The following FAM13C variants were observed in gnomAD, a reference collection of about 807,000 sequenced individuals.
FAM13C encodes the protein protein FAM13C.
FAM13C carries 37 observed loss-of-function variants against 73.2 expected under a neutral mutation model. The observed-to-expected ratio is 0.51, with a 90% CI of 0.39 to 0.67. The LOEUF (loss-of-function observed/expected upper bound fraction) is 0.67, where lower values mean the gene tolerates loss of function less well. FAM13C is among the 30% of genes least tolerant of loss of function. The probability of loss-of-function intolerance (pLI) is 0.00; values close to 1 mark genes in which losing one functional copy is unlikely to be tolerated. For missense variants in FAM13C, 589 were observed against 715.6 expected (o/e 0.82, Z 2.02); for synonymous variants, 246 against 260.9 (o/e 0.94, Z 0.55).
chr10:59,263,847 T>G (rs1842756422), intron 9 of FAM13C: 3 of 504,552 alleles, frequency 5.9e-6, no homozygotes, highest in African/African-American at 1.9e-5. Flanking sequence ...GGCATTGAAG[T>G]GAATCATTCC....
At chr10:59,267,738 G>A (rs1843222197) in intron 8 of FAM13C, among the ~76,000 whole-genome samples, 1 of 152,104 alleles carries the variant, frequency 6.6e-6, no homozygotes, top group Non-Finnish European at 1.5e-5. Context: ...CAAGTGTTTA[G>A]TGAACCTTTA....
Position 59,303,012 on chromosome 10 carries a change from A to G in FAM13C, c.444-148T>C, listed in dbSNP as rs568303598. 12 of 662,542 alleles carry G rather than the reference A, an allele frequency of 1.8e-5. No homozygotes were observed. In the African/African-American group the frequency reaches 2.2e-4, roughly 12 times the overall value. The allele number at this position is 662,542 out of a possible 1,614,324, so 41.0% of individuals were successfully genotyped here. A position where few individuals can be genotyped will look rare whatever the true frequency, so the allele number is the denominator to read the frequency against. On this transcript the variant is annotated intron_variant, in intron 4 of 13. Coordinates refer to ENST00000618804, the MANE Select transcript of FAM13C (RefSeq NM_198215.4). Reference sequence around the variant, plus strand: ...CTGTAGAATAAAATACAGACTCCTTACAATGGCCTGCAGCACATTATAGCA... The same window carrying G: ...CTGTAGAATAAAATACAGACTCCTTGCAATGGCCTGCAGCACATTATAGCA...
At chr10:59,286,230 G>A (rs1238592898) in intron 5 of FAM13C, among the ~76,000 whole-genome samples, 1 of 152,024 alleles carries the variant, frequency 6.6e-6, no homozygotes, top group Non-Finnish European at 1.5e-5. Flanking sequence ...AAAATTCATC[G>A]AAGCTGGAAG....
rs1249896635 is a variant in FAM13C, at chr10:59,352,380, CCTCTACATTCTGCTGCTG to C, written c.196_213del (p.Gln66_Glu71del). ...AATACGCTGTCCACCAGCACGGTCG[CCTCTACATTCTGCTGCTG>C]CGGCTCCCAAGAGGGCGGCGCGTGC... On this transcript the variant is annotated inframe_deletion, in exon 3 of 14. Transcript: ENST00000618804. 10 of 1,614,040 alleles carry C rather than the reference CCTCTACATTCTGCTGCTG, an allele frequency of 6.2e-6. No individual in the cohort carries two copies. The highest frequency in any genetic ancestry group is 8.5e-6 in the Non-Finnish European group (10 of 1,180,044).
intron 4 of FAM13C, among the ~76,000 whole-genome samples, chr10:59,322,425 A>T (rs1184107426): frequency 6.6e-6 from 1 of 152,238 alleles, no homozygotes; most frequent in Non-Finnish European, 1.5e-5. Context: ...AAAGTGGGAC[A>T]TGAAAGATGG....
upstream of FAM13C, chr10:59,362,597 G>T: frequency 6.7e-7 from 1 of 1,496,482 alleles, no homozygotes; most frequent in Non-Finnish European, 8.9e-7. Context: ...GTCTGCACAT[G>T]CTCGTAACGA....
chr10:59,359,331 C>T (rs947092854), intron 1 of FAM13C, among the ~76,000 whole-genome samples: 1 of 152,198 alleles, frequency 6.6e-6, no homozygotes, highest in Non-Finnish European at 1.5e-5. Flanking sequence ...CAGAGGATCA[C>T]AAGAGACAGG....
At chr10:59,315,862 G>A (rs2133965367) in intron 4 of FAM13C, among the ~76,000 whole-genome samples, 1 of 152,234 alleles carries the variant, frequency 6.6e-6, no homozygotes, top group East Asian at 1.9e-4. Flanking sequence ...CTTTTATCTA[G>A]TTCTCTCAAA....
chr10:59,258,027 TAAAA>T (rs1044741761), intron 10 of FAM13C, among the ~76,000 whole-genome samples: 4 of 152,134 alleles, frequency 2.6e-5, no homozygotes, highest in African/African-American at 9.7e-5. Context: ...TATCCATTAA[TAAAA>T]AAGAATGCCA....
intron 5 of FAM13C, among the ~76,000 whole-genome samples, chr10:59,291,629 A>T (rs1490307030): frequency 6.7e-6 from 1 of 148,360 alleles, no homozygotes; most frequent in East Asian, 2.0e-4. Context: ...TACAATAATA[A>T]AACCCACATT....
intron 12 of FAM13C, 107 bp from the exon 13 acceptor site, chr10:59,251,783 T>C (rs1841405398): frequency 1.2e-6 from 1 of 833,204 alleles, no homozygotes; most frequent in Non-Finnish European, 1.9e-6. Flanking sequence ...TTGAAAAGTG[T>C]TCCCATCATA....
intron 4 of FAM13C, among the ~76,000 whole-genome samples, chr10:59,314,291 G>A (rs550498485): frequency 7.2e-5 from 11 of 152,242 alleles, no homozygotes; most frequent in African/African-American, 2.4e-4. Flanking sequence ...TTAATCTTCC[G>A]AGCCCCTGCT....
chr10:59,340,960 CA>C (rs1808081910), intron 3 of FAM13C, among the ~76,000 whole-genome samples: 6 of 152,016 alleles, frequency 3.9e-5, no homozygotes, highest in Admixed American at 3.9e-4. Flanking sequence ...GTTCCTAAAT[CA>C]AATGTCAGTT....
intron 3 of FAM13C, among the ~76,000 whole-genome samples, chr10:59,335,077 G>A (rs1302121676): frequency 6.6e-6 from 1 of 152,092 alleles, no homozygotes; most frequent in Non-Finnish European, 1.5e-5. Context: ...CTCTACAGTG[G>A]CCAACTTTCA....
At chr10:59,287,336 C>CAAAAAAAAAA (rs58759332) in intron 5 of FAM13C, among the ~76,000 whole-genome samples, 2 of 73,808 alleles carry the variant, frequency 2.7e-5, no homozygotes, top group Non-Finnish European at 2.3e-5. Context: ...GACTCTGTCT[C>CAAAAAAAAAA]AAAAAAAAAA....
At chr10:59,275,674 G>A (rs530648083) in intron 6 of FAM13C, among the ~76,000 whole-genome samples, 4 of 152,138 alleles carry the variant, frequency 2.6e-5, no homozygotes, top group South Asian at 2.1e-4. Context: ...TTAAAAGCCC[G>A]GGCTCTGGAG....
chr10:59,262,989 A>T (rs1842667104), intron 9 of FAM13C, among the ~76,000 whole-genome samples: 1 of 152,108 alleles, frequency 6.6e-6, no homozygotes, highest in Admixed American at 6.5e-5. Flanking sequence ...ACACACAAAG[A>T]TTTATTTACT....
At chr10:59,331,801 G>T (rs1378622591) in intron 3 of FAM13C, among the ~76,000 whole-genome samples, 4 of 152,182 alleles carry the variant, frequency 2.6e-5, no homozygotes, top group African/African-American at 9.7e-5. Context: ...CCTGGTGATT[G>T]ACAGGATGTG....
intron 10 of FAM13C, among the ~76,000 whole-genome samples, chr10:59,255,180 T>C (rs1841833926): frequency 6.6e-6 from 1 of 152,214 alleles, no homozygotes; most frequent in Non-Finnish European, 1.5e-5. Context: ...TATACTAGGT[T>C]ACTGACAGGC....
Sources: allele counts gnomAD v4.1 joint callset (sites outside exome capture counted in the v4.1 genomes callset), GRCh38; gene constraint gnomAD v4.1.1; transcripts MANE v1.5; gene names NCBI Gene and HGNC (gene_info 2026-07-23, HGNC 2026-07-21).